CCDC80: variants seen among roughly 807,000 people sequenced by gnomAD.
The protein encoded by CCDC80 is coiled-coil domain-containing protein 80.
Under a neutral mutation model 78.7 loss-of-function variants are expected in CCDC80, and 49 were observed. The observed-to-expected ratio is 0.62, with a 90% CI of 0.50 to 0.79. The LOEUF (loss-of-function observed/expected upper bound fraction) is 0.79, where lower values mean the gene tolerates loss of function less well. Ranked by LOEUF, CCDC80 falls within the 30% of genes least tolerant of loss-of-function variation. CCDC80 has a pLI of 0.00. For missense variants in CCDC80, 1,205 were observed against 1,198.6 expected (o/e 1.01, Z -0.08); for synonymous variants, 488 against 447.0 (o/e 1.09, Z -1.16).
At chr3:112,606,518 G>A (rs747089605) in intron 7 of CCDC80, among the ~76,000 whole-genome samples, 4 of 150,370 alleles carry the variant, frequency 2.7e-5, no homozygotes, top group South Asian at 2.1e-4. Context: ...CTCCACCTCC[G>A]AGGTTCAAGC....
intron 5 of CCDC80, among the ~76,000 whole-genome samples, chr3:112,613,583 T>C (rs1980049): frequency 0.02 from 3,016 of 152,250 alleles, 81 homozygotes; most frequent in African/African-American, 0.065. Context: ...ATGTCAGCTT[T>C]CCCTTTCAAA....
At chr3:112,623,825 ACTT>A (rs1012925259) in intron 3 of CCDC80, among the ~76,000 whole-genome samples, 7 of 152,232 alleles carry the variant, frequency 4.6e-5, no homozygotes, top group African/African-American at 1.7e-4. Context: ...CCACATGAGT[ACTT>A]CTTATTGTCT....
rs79506531 is a variant in CCDC80 at position 112,614,741 on chromosome 3, C to T, written c.2321+1969G>A. ...ATCTTCCTTTGCTTCAAATTCTAGG[C>T]CTTTAGGTTCAGAACTAATAATAAT... is the stretch of plus-strand genomic sequence containing the variant. On this transcript the variant is annotated intron_variant, in intron 5 of 7. Transcript: ENST00000206423. Among the ~76,000 whole-genome samples the T allele has an allele frequency of 1.6e-4, 25 of 152,240 alleles. No homozygotes were observed. The East Asian group carries it at 4.6e-3, about 28-fold the overall frequency.
intron 5 of CCDC80, among the ~76,000 whole-genome samples, chr3:112,615,364 G>A (rs542174490): frequency 1.3e-5 from 2 of 152,162 alleles, no homozygotes; most frequent in Admixed American, 1.3e-4. Flanking sequence ...ATGCTTGCTT[G>A]GTTTCTGGAA....
intron 5 of CCDC80, 103 bp from the exon 6 acceptor site, chr3:112,610,184 CAGAAAAAAAAAA>C (rs1559874995): frequency 3.3e-6 from 3 of 913,858 alleles, no homozygotes; most frequent in Non-Finnish European, 3.4e-6. Flanking sequence ...TTTCTGTGCC[CAGAAAAAAAAAA>C]AGAAAAAAAC....
chr3:112,635,071 G>C (rs1936178713), intron 2 of CCDC80, among the ~76,000 whole-genome samples: 2 of 152,118 alleles, frequency 1.3e-5, no homozygotes, highest in South Asian at 4.1e-4. Flanking sequence ...CTAAAAATAG[G>C]ACACCTGGCT....
intron 3 of CCDC80, among the ~76,000 whole-genome samples, chr3:112,622,285 A>C (rs1935882777): frequency 6.6e-6 from 1 of 152,240 alleles, no homozygotes; most frequent in African/African-American, 2.4e-5. Context: ...GAAATAAAAC[A>C]TTTTGCACTC....
chr3:112,640,918 C>T lies in CCDC80; in HGVS notation c.-603G>A, dbSNP rs1331456801. The T allele has an allele frequency of 2.0e-5, 3 of 152,126 alleles. No individual in the cohort carries two copies. The highest frequency in any genetic ancestry group is 4.4e-5 in the Non-Finnish European group (3 of 68,066). The allele number at this position is 152,126 out of a possible 1,614,324, so 9.4% of individuals were successfully genotyped here. A position where few individuals can be genotyped will look rare whatever the true frequency, so the allele number is the denominator to read the frequency against. ...GTGCTTCTCTCCTCCCTTTATTTCT[C>T]CCTACCTTTTTCCTCCTCTTTTTCT... On this transcript the variant is annotated 5_prime_UTR_variant, in exon 1 of 8. Transcript: ENST00000206423.
At chr3:112,615,876 C>G (rs1935729343) in intron 5 of CCDC80, among the ~76,000 whole-genome samples, 1 of 152,166 alleles carries the variant, frequency 6.6e-6, no homozygotes, top group Non-Finnish European at 1.5e-5. Context: ...AAACAATCCA[C>G]CCCTTGTTTA....
At chr3:112,628,879 A>G (rs548396391) in intron 3 of CCDC80, among the ~76,000 whole-genome samples, 1 of 152,294 alleles carries the variant, frequency 6.6e-6, no homozygotes, top group South Asian at 2.1e-4. Context: ...CATAACTGAT[A>G]CTTTACCCTG....
rs955411474 is a variant in CCDC80 at position 112,597,073 on chromosome 3, C to T, written c.*8344G>A. 1.3e-5 allele frequency: 2 copies of T among 152,148 alleles called. No individual in the cohort carries two copies. The highest frequency in any genetic ancestry group is 4.8e-5 in the African/African-American group (2 of 41,432). The allele number at this position is 152,148 out of a possible 1,614,324, so 9.4% of individuals were successfully genotyped here. A position where few individuals can be genotyped will look rare whatever the true frequency, so the allele number is the denominator to read the frequency against. On this transcript the variant is annotated 3_prime_UTR_variant, in exon 8 of 8. Transcript: ENST00000206423. ...ATGTATTAGGCCAGTTGGAAACCATCATTAAAGAAACTGACCCTGGTGATC... is the reference window on the plus strand; with the variant it reads ...ATGTATTAGGCCAGTTGGAAACCATTATTAAAGAAACTGACCCTGGTGATC...
rs547857752 is a variant in CCDC80, at chr3:112,604,142, T to C, written c.*1275A>G. ...TCGCGTAAGTTGCTATGTACATTATTGAAATGACAACAAAGGATTTACAAC... is the reference window on the plus strand; with the variant it reads ...TCGCGTAAGTTGCTATGTACATTATCGAAATGACAACAAAGGATTTACAAC... On this transcript the variant is annotated 3_prime_UTR_variant, in exon 8 of 8. Coordinates refer to ENST00000206423, the MANE Select transcript of CCDC80 (RefSeq NM_199511.3). 1 of 152,366 alleles carries C rather than the reference T, an allele frequency of 6.6e-6. No individual in the cohort carries two copies. The highest frequency in any genetic ancestry group is 1.9e-4 in the East Asian group (1 of 5,188). 9.4% of individuals were successfully genotyped at this position (152,366 alleles called of 1,614,324 possible).
intron 5 of CCDC80, among the ~76,000 whole-genome samples, chr3:112,613,853 T>C (rs568662676): frequency 1.3e-5 from 2 of 151,690 alleles, no homozygotes; most frequent in South Asian, 4.1e-4. Flanking sequence ...GTAATAATTA[T>C]ATATATGTTT....
Position 112,600,807 on chromosome 3 carries a change from T to A in CCDC80, c.*4610A>T, listed in dbSNP as rs1424741164. 2 of 152,124 alleles carry A rather than the reference T, an allele frequency of 1.3e-5. No individual in the cohort carries two copies. Among genetic ancestry groups the A allele is most frequent in the African/African-American group, 4.8e-5 (2 of 41,412 alleles). The allele number at this position is 152,124 out of a possible 1,614,324, so 9.4% of individuals were successfully genotyped here. A position where few individuals can be genotyped will look rare whatever the true frequency, so the allele number is the denominator to read the frequency against. On this transcript the variant is annotated 3_prime_UTR_variant, in exon 8 of 8. Transcript: ENST00000206423. ...GTGTGAGCCCCTCACTGCTCCTGGCTCCCTCATTATTATATTTCCTGAAGT... is the reference window on the plus strand; with the variant it reads ...GTGTGAGCCCCTCACTGCTCCTGGCACCCTCATTATTATATTTCCTGAAGT...
At chr3:112,637,841 A>G (rs566888224) in intron 2 of CCDC80, among the ~76,000 whole-genome samples, 187 bp downstream of exon 2, 2 of 152,324 alleles carry the variant, frequency 1.3e-5, no homozygotes. Flanking sequence ...AGAACTTCAT[A>G]GGTCACTAAA....
intron 3 of CCDC80, among the ~76,000 whole-genome samples, chr3:112,629,784 C>T (rs1306730859): frequency 6.6e-6 from 1 of 152,138 alleles, no homozygotes; most frequent in Non-Finnish European, 1.5e-5. Flanking sequence ...TGCTCACAGG[C>T]GAGAAGACTC....
chr3:112,612,709 GA>G (rs1328560355), intron 5 of CCDC80, among the ~76,000 whole-genome samples: 1 of 152,146 alleles, frequency 6.6e-6, no homozygotes, highest in Non-Finnish European at 1.5e-5. Flanking sequence ...CTGTCTCAGG[GA>G]AAGGTGATTA....
chr3:112,627,819 C>A (rs1437322286), intron 3 of CCDC80, among the ~76,000 whole-genome samples: 8 of 145,710 alleles, frequency 5.5e-5, no homozygotes, highest in African/African-American at 7.5e-5. Flanking sequence ...GGCTACCATT[C>A]AGTGAGGAAA....
chr3:112,632,395 T>A (rs1226869144), intron 2 of CCDC80, among the ~76,000 whole-genome samples: 2 of 152,178 alleles, frequency 1.3e-5, no homozygotes, highest in Non-Finnish European at 2.9e-5. Flanking sequence ...TTAGAATATA[T>A]TTAGAGGAGT....
Sources: allele counts gnomAD v4.1 joint callset (sites outside exome capture counted in the v4.1 genomes callset), GRCh38; gene constraint gnomAD v4.1.1; transcripts MANE v1.5; gene names NCBI Gene and HGNC (gene_info 2026-07-23, HGNC 2026-07-21).